PCDHA9: variants seen among roughly 807,000 people sequenced by gnomAD.
PCDHA9 encodes protocadherin alpha 9.
PCDHA9 carries 62 observed loss-of-function variants against 62.0 expected under a neutral mutation model. The observed-to-expected ratio is 1.00, with a 90% CI of 0.81 to 1.23. The LOEUF is 1.23. Ranked by LOEUF, PCDHA9 falls within the 50% of genes most tolerant of loss-of-function variation. PCDHA9 has a pLI of 0.00. For synonymous variants in PCDHA9, 557 were observed against 567.6 expected, an observed-to-expected ratio of 0.98 and a Z score of 0.27; for missense variants, 1,205 against 1,249.8, an observed-to-expected ratio of 0.96 and a Z score of 0.54.
chr5:140,851,081 A>G, intron 1 of PCDHA9, 192 bp downstream of exon 1: 1 of 1,303,802 alleles, frequency 7.7e-7, no homozygotes, highest in Non-Finnish European at 1.0e-6. Flanking sequence ...TATAAACTGT[A>G]TATTAAATAG....
intron 1 of PCDHA9, chr5:140,869,555 G>C (rs2051240207): frequency 6.2e-7 from 1 of 1,614,054 alleles, no homozygotes; most frequent in Non-Finnish European, 8.5e-7. Flanking sequence ...TCGGACTCGC[G>C]TTTTCCACTA....
intron 1 of PCDHA9, among the ~76,000 whole-genome samples, chr5:140,888,286 C>T (rs1277980750): frequency 6.6e-6 from 1 of 152,080 alleles, no homozygotes; most frequent in African/African-American, 2.4e-5. Context: ...TCCCCTCTAC[C>T]CCCTACCCAG....
intron 1 of PCDHA9, chr5:140,870,967 C>T (rs782808360): frequency 1.9e-6 from 3 of 1,613,648 alleles, no homozygotes; most frequent in Admixed American, 1.7e-5. Context: ...CATCCCGTTC[C>T]GCGTGGGGCT....
At chr5:140,920,851 A>C (rs1370021063) in intron 1 of PCDHA9, among the ~76,000 whole-genome samples, 1 of 152,008 alleles carries the variant, frequency 6.6e-6, no homozygotes, top group Non-Finnish European at 1.5e-5. Flanking sequence ...TAAAAAAAAA[A>C]AAAAAAACAA....
At chr5:140,963,198 A>G (rs2095745338) in intron 1 of PCDHA9, among the ~76,000 whole-genome samples, 1 of 151,784 alleles carries the variant, frequency 6.6e-6, no homozygotes, top group South Asian at 2.1e-4. Context: ...GTGAAAATGA[A>G]AAAAAAAACC....
At chr5:140,921,850 G>C (rs2080436717) in intron 1 of PCDHA9, among the ~76,000 whole-genome samples, 1 of 151,984 alleles carries the variant, frequency 6.6e-6, no homozygotes, top group African/African-American at 2.4e-5. Context: ...ATTTATAGAT[G>C]TGTGTGTATA....
intron 1 of PCDHA9, chr5:140,860,548 T>C (rs1219356676): frequency 6.6e-6 from 1 of 152,138 alleles, no homozygotes; most frequent in Non-Finnish European, 1.5e-5. Flanking sequence ...CAAACCCACC[T>C]TTGAAGAGGT....
chr5:140,850,726 CG>C lies in PCDHA9; in HGVS notation c.2233del (p.Val745TrpfsTer68). 1 of 1,597,804 alleles carries C rather than the reference CG, an allele frequency of 6.3e-7. No homozygotes were observed. The highest frequency in any genetic ancestry group is 8.6e-7 in the Non-Finnish European group (1 of 1,167,558). ...AAGCCGACGCTGGTGTGTTCTAGCGCGGTGGGGAGTTGGTCGTACTCGCAGC... is the reference window on the plus strand; with the variant it reads ...AAGCCGACGCTGGTGTGTTCTAGCGCGTGGGGAGTTGGTCGTACTCGCAGC... ...PGKPTLVCSS[A>X]VGSWSYSQQR... On this transcript the variant is annotated frameshift_variant, in exon 1 of 4. Coordinates refer to ENST00000532602, the MANE Select transcript of PCDHA9 (RefSeq NM_031857.2). LOFTEE classifies it high-confidence loss of function.
chr5:141,011,501 A>G lies in PCDHA9; in HGVS notation c.*1564A>G, dbSNP rs548038544. ...ATATTTCCTTTTGTACACCTGTGAA[A>G]AAGTGGAGTAGTGTTTTTTTAACCA... On this transcript the variant is annotated 3_prime_UTR_variant, in exon 4 of 4. Coordinates refer to ENST00000532602, the MANE Select transcript of PCDHA9 (RefSeq NM_031857.2). 1.3e-5 allele frequency: 2 copies of G among 153,894 alleles called. No individual in the cohort carries two copies. Among genetic ancestry groups the G allele is most frequent in the African/African-American group, 4.8e-5 (2 of 41,578 alleles). 9.5% of individuals were successfully genotyped at this position (153,894 alleles called of 1,614,324 possible).
intron 1 of PCDHA9, among the ~76,000 whole-genome samples, chr5:140,944,406 C>G (rs1003379783): frequency 6.6e-6 from 1 of 152,084 alleles, no homozygotes; most frequent in African/African-American, 2.4e-5. Flanking sequence ...AGGCTGGTCT[C>G]GAACTCCTGA....
chr5:140,873,998 C>T (rs2054625298), intron 1 of PCDHA9, among the ~76,000 whole-genome samples: 1 of 152,166 alleles, frequency 6.6e-6, no homozygotes, highest in Non-Finnish European at 1.5e-5. Context: ...ATGTATGGTA[C>T]ATTGACCACT....
intron 1 of PCDHA9, chr5:140,862,140 G>A (rs2047224781): frequency 6.1e-6 from 1 of 162,900 alleles, no homozygotes; most frequent in Admixed American, 5.7e-5. Flanking sequence ...AGGTTTTGAG[G>A]AAACTAAATA....
chr5:140,913,100 A>G (rs2076204390), intron 1 of PCDHA9, among the ~76,000 whole-genome samples: 1 of 152,186 alleles, frequency 6.6e-6, no homozygotes, highest in Non-Finnish European at 1.5e-5. Flanking sequence ...TACTGGCCTC[A>G]TAGAATCAGT....
chr5:140,909,992 T>A (rs2074821631), intron 1 of PCDHA9, among the ~76,000 whole-genome samples: 1 of 152,192 alleles, frequency 6.6e-6, no homozygotes, highest in Non-Finnish European at 1.5e-5. Context: ...ACTAACAGCA[T>A]AAATTGTTGT....
chr5:140,988,574 T>C (rs538316418), intron 3 of PCDHA9, among the ~76,000 whole-genome samples: 1 of 152,342 alleles, frequency 6.6e-6, no homozygotes, highest in East Asian at 1.9e-4. Context: ...GAAAACACTC[T>C]GTACCTTCCA....
intron 1 of PCDHA9, among the ~76,000 whole-genome samples, chr5:140,912,652 G>C (rs555103404): frequency 1.4e-4 from 21 of 152,250 alleles, no homozygotes; most frequent in African/African-American, 5.1e-4. Context: ...TTGAATAGAA[G>C]TGGTGAAAAT....
chr5:141,010,368 C>T lies in PCDHA9; in HGVS notation c.*431C>T, dbSNP rs368481822. ...GGTATGTGTGGCTACCGCGGGTATG[C>T]GAGTGCCAGATATTGGCTGAGACGA... On this transcript the variant is annotated 3_prime_UTR_variant, in exon 4 of 4. Coordinates refer to ENST00000532602, the MANE Select transcript of PCDHA9 (RefSeq NM_031857.2). The T allele has an allele frequency of 8.2e-6, 12 of 1,470,936 alleles. No homozygotes were observed. The East Asian group carries it at 1.7e-4, about 21-fold the overall frequency. 91.1% of individuals were successfully genotyped at this position (1,470,936 alleles called of 1,614,324 possible). A position where few individuals can be genotyped will look rare whatever the true frequency, so the allele number is the denominator to read the frequency against.
chr5:140,890,434 T>C (rs1368664447), intron 1 of PCDHA9, among the ~76,000 whole-genome samples: 2 of 152,226 alleles, frequency 1.3e-5, no homozygotes, highest in Non-Finnish European at 2.9e-5. Flanking sequence ...ATATTTACAA[T>C]ACCTAGTGAT....
chr5:140,929,410 CACA>C (rs2153600762), intron 1 of PCDHA9: 2 of 1,505,808 alleles, frequency 1.3e-6, no homozygotes, highest in East Asian at 2.3e-5. Context: ...ACAAGCCTTT[CACA>C]ACATTTCATC....
Sources: gnomAD v4.1 joint callset for allele counts (sites outside exome capture counted in the v4.1 genomes callset) on GRCh38, gnomAD v4.1.1 for gene constraint, MANE v1.5 for transcripts, NCBI Gene and HGNC (gene_info 2026-07-23, HGNC 2026-07-21) for gene names.